The following TSPAN5 variants were observed in gnomAD, a reference collection of about 807,000 sequenced individuals.
TSPAN5 encodes the protein tetraspanin 5.
In TSPAN5, 10 loss-of-function variants were observed where a neutral mutation model predicts 37.1. The observed-to-expected ratio is 0.27, with a 90% CI of 0.17 to 0.46. The LOEUF is 0.46. Among genes scored for constraint, TSPAN5 ranks in the 20% least tolerant of loss-of-function variants. The probability of loss-of-function intolerance (pLI) is 1.00; values close to 1 mark genes in which losing one functional copy is unlikely to be tolerated. For missense variants in TSPAN5, 195 were observed against 326.6 expected (o/e 0.60, Z 3.11); for synonymous variants, 110 against 118.9 (o/e 0.93, Z 0.48).
intron 1 of TSPAN5, among the ~76,000 whole-genome samples, chr4:98,614,636 A>C (rs1756277480): frequency 6.6e-6 from 1 of 152,252 alleles, no homozygotes; most frequent in Non-Finnish European, 1.5e-5. Context: ...TATTGAACAA[A>C]TTAACATTTC....
Position 98,521,000 on chromosome 4 carries a change from C to T in TSPAN5, c.82-13272G>A, listed in dbSNP as rs1454583090. Among the ~76,000 whole-genome samples, 3 of 152,214 alleles carry T rather than the reference C, an allele frequency of 2.0e-5. No homozygotes were observed. The East Asian group carries it at 5.8e-4, about 30-fold the overall frequency. ...AGGCTGGAGTGCAGTGGCGCAATCT[C>T]GGCTCACTGCAACCTCCACCTCCCC... On this transcript the variant is annotated intron_variant, in intron 1 of 7. Transcript: ENST00000305798.
chr4:98,611,283 A>T (rs1433316906), intron 1 of TSPAN5, among the ~76,000 whole-genome samples: 2 of 152,228 alleles, frequency 1.3e-5, no homozygotes, highest in Non-Finnish European at 2.9e-5. Context: ...CAAGTGAGTT[A>T]GCCTCCCCCT....
chr4:98,599,563 A>AC (rs1161976297), intron 1 of TSPAN5, among the ~76,000 whole-genome samples: 1 of 152,058 alleles, frequency 6.6e-6, no homozygotes, highest in Non-Finnish European at 1.5e-5. Flanking sequence ...CATTCCCACC[A>AC]CCCCAAAAAG....
chr4:98,605,348 T>C (rs1756006846), intron 1 of TSPAN5, among the ~76,000 whole-genome samples: 1 of 152,226 alleles, frequency 6.6e-6, no homozygotes, highest in African/African-American at 2.4e-5. Flanking sequence ...ATCAGTTCAC[T>C]GAGCATAATA....
At chr4:98,510,020 T>G (rs1753570817) in intron 1 of TSPAN5, 1 of 152,212 alleles carries the variant, frequency 6.6e-6, no homozygotes, top group Admixed American at 6.5e-5. Flanking sequence ...CTGCTGATGG[T>G]GTGGACATGT....
intron 1 of TSPAN5, among the ~76,000 whole-genome samples, chr4:98,595,074 TC>T: frequency 2.5e-5 from 1 of 39,732 alleles, no homozygotes; most frequent in Non-Finnish European, 4.3e-5. Context: ...GGTCCTGGAC[TC>T]TTTTTGGTTG....
chr4:98,576,713 A>G (rs1755244494), intron 1 of TSPAN5, among the ~76,000 whole-genome samples: 1 of 152,196 alleles, frequency 6.6e-6, no homozygotes, highest in South Asian at 2.1e-4. Context: ...AAAAAAGGCC[A>G]GGACTAAGAA....
chr4:98,555,617 G>T (rs1053558182), intron 1 of TSPAN5, among the ~76,000 whole-genome samples: 2 of 152,066 alleles, frequency 1.3e-5, no homozygotes, highest in Admixed American at 1.3e-4. Context: ...CTTGAATACA[G>T]AAGGTATTAA....
chr4:98,590,152 A>G (rs1224925988), intron 1 of TSPAN5, among the ~76,000 whole-genome samples: 1 of 152,188 alleles, frequency 6.6e-6, no homozygotes, highest in East Asian at 1.9e-4. Context: ...ACCATCTGCT[A>G]AAGATGGTCC....
At chr4:98,520,579 T>C (rs1461247838) in intron 1 of TSPAN5, among the ~76,000 whole-genome samples, 3 of 152,176 alleles carry the variant, frequency 2.0e-5, no homozygotes, top group Admixed American at 1.3e-4. Flanking sequence ...CCAGGTGTAG[T>C]GGCGAGCTGC....
intron 1 of TSPAN5, among the ~76,000 whole-genome samples, chr4:98,637,100 G>C (rs1444978093): frequency 2.0e-5 from 3 of 152,212 alleles, no homozygotes; most frequent in Non-Finnish European, 2.9e-5. Flanking sequence ...GAGAGGCACA[G>C]GCAGTAGTTA....
intron 1 of TSPAN5, among the ~76,000 whole-genome samples, chr4:98,627,551 C>T (rs1267401272): frequency 6.6e-6 from 1 of 152,178 alleles, no homozygotes; most frequent in Admixed American, 6.5e-5. Flanking sequence ...CCCTTACTCC[C>T]CCATTCCTCC....
rs552909153 is a variant in TSPAN5 at position 98,630,823 on chromosome 4, C to G, written c.81+27323G>C. 2.0e-5 allele frequency among the ~76,000 whole-genome samples: 3 copies of G among 152,302 alleles called. No individual in the cohort carries two copies. In the East Asian group the frequency reaches 5.8e-4, roughly 29 times the overall value. On this transcript the variant is annotated intron_variant, in intron 1 of 7. Transcript: ENST00000305798. ...AAGGCCTACTGGCTTAAGGGCCCTGCAGAGCTAAAGATGTGAGGATAACTT... is the reference window on the plus strand; with the variant it reads ...AAGGCCTACTGGCTTAAGGGCCCTGGAGAGCTAAAGATGTGAGGATAACTT...
intron 1 of TSPAN5, among the ~76,000 whole-genome samples, chr4:98,542,300 T>G (rs747264151): frequency 6.6e-6 from 1 of 152,340 alleles, no homozygotes; most frequent in Admixed American, 6.5e-5. Context: ...CTTTCAAATC[T>G]TTTTGTGCCA....
intron 1 of TSPAN5, among the ~76,000 whole-genome samples, chr4:98,594,305 G>C (rs1313339109): frequency 9.0e-6 from 1 of 110,986 alleles, no homozygotes; most frequent in Non-Finnish European, 1.7e-5. Context: ...CTGAGACTTT[G>C]CTGAAGTTGC....
intron 1 of TSPAN5, among the ~76,000 whole-genome samples, chr4:98,568,298 T>C (rs975559557): frequency 6.6e-6 from 1 of 152,094 alleles, no homozygotes; most frequent in Admixed American, 6.5e-5. Context: ...ATCCCAGCAC[T>C]TTGGGAGGCC....
intron 1 of TSPAN5, among the ~76,000 whole-genome samples, chr4:98,521,833 T>G (rs1753863353): frequency 7.5e-6 from 1 of 133,256 alleles, no homozygotes; most frequent in Non-Finnish European, 1.7e-5. Context: ...TTATTTTGTT[T>G]TTGTGGGTTC....
At chr4:98,587,547 C>G (rs1755519279) in intron 1 of TSPAN5, among the ~76,000 whole-genome samples, 1 of 152,136 alleles carries the variant, frequency 6.6e-6, no homozygotes, top group Non-Finnish European at 1.5e-5. Context: ...AACAGAAACT[C>G]CGCCCATCCA....
At chr4:98,635,960 A>G (rs555280852) in intron 1 of TSPAN5, among the ~76,000 whole-genome samples, 113 of 152,356 alleles carry the variant, frequency 7.4e-4, no homozygotes, top group African/African-American at 2.6e-3. Flanking sequence ...CCCAAAGGGT[A>G]TAATTCTGGA....
Sources: allele counts gnomAD v4.1 joint callset (sites outside exome capture counted in the v4.1 genomes callset), GRCh38; gene constraint gnomAD v4.1.1; transcripts MANE v1.5; gene names NCBI Gene and HGNC (gene_info 2026-07-23, HGNC 2026-07-21).